The following WRNIP1 variants were observed in gnomAD, a reference collection of about 807,000 sequenced individuals.
The protein encoded by WRNIP1 is WRN helicase interacting protein 1.
WRNIP1 carries 41 observed loss-of-function variants against 56.1 expected under a neutral mutation model. The observed-to-expected ratio is 0.73, with a 90% confidence interval of 0.57 to 0.95. The LOEUF (loss-of-function observed/expected upper bound fraction) is 0.95, where lower values mean the gene tolerates loss of function less well. Ranked by LOEUF, WRNIP1 falls within the 40% of genes least tolerant of loss-of-function variation. WRNIP1 has a pLI of 0.00. For missense variants in WRNIP1, 1,170 were observed against 939.4 expected, an observed-to-expected ratio of 1.25 and a Z score of -3.21; for synonymous variants, 547 against 398.1, an observed-to-expected ratio of 1.37 and a Z score of -4.45.
chr6:2,765,914 GA>G lies in WRNIP1; in HGVS notation c.293del (p.Glu98GlyfsTer184). The G allele has an allele frequency of 6.9e-7, 1 of 1,455,738 alleles. No individual in the cohort carries two copies. The highest frequency in any genetic ancestry group is 1.5e-5 in the African/African-American group (1 of 68,206). The allele number at this position is 1,455,738 out of a possible 1,614,324, so 90.2% of individuals were successfully genotyped here. On this transcript the variant is annotated frameshift_variant, in exon 1 of 7. Transcript: ENST00000380773. LOFTEE classifies it high-confidence loss of function. ...AAESSEGEGE[E>X]GDDGGETESR... Reference sequence around the variant, plus strand: ...CGAGAGCAGCGAGGGCGAGGGTGAGGAGGGCGACGACGGCGGCGAGACCGAG... The same window carrying G: ...CGAGAGCAGCGAGGGCGAGGGTGAGGGGGCGACGACGGCGGCGAGACCGAG...
At position 2,779,489 on chromosome 6, in the gene WRNIP1, G is replaced by T. The variant is rs114897024; in HGVS notation, c.1483G>T (p.Ala495Ser). Residue 495 changes from alanine to serine, a missense_variant, in exon 4 of 7, where the codon GCA (alanine) becomes TCA (serine). Ala to Ser is a moderately conservative substitution (Grantham distance 99, BLOSUM62 1). Transcript: ENST00000380773. ...LQRSHILYDR[A>S]GEEHYNCISA... is the part of the protein sequence containing the mutation. ...GCGATCCCACATTTTATATGACCGG[G>T]CAGGTAAGTAATTCACCTGTGGAAA... 1 of 1,612,750 alleles carries T rather than the reference G, an allele frequency of 6.2e-7. No individual in the cohort carries two copies. The highest frequency in any genetic ancestry group is 1.1e-5 in the South Asian group (1 of 90,916).
At chr6:2,772,963 C>A (rs189359034) in intron 3 of WRNIP1, 323 of 985,300 alleles carry the variant, frequency 3.3e-4, no homozygotes, top group Non-Finnish European at 2.7e-4. Flanking sequence ...CATTTGTATT[C>A]TTGTGTCATG....
rs750797144 is a variant in WRNIP1, at chr6:2,766,462, C to T, written c.822+18C>T. 6.7e-7 allele frequency: 1 copy of T among 1,496,334 alleles called. No individual in the cohort carries two copies. The highest frequency in any genetic ancestry group is 1.8e-4 in the Middle Eastern group (1 of 5,682). The allele number at this position is 1,496,334 out of a possible 1,614,324, so 92.7% of individuals were successfully genotyped here. ...GCGGCAAGGTGAGTGCGGCCTTGGC[C>T]GTTGGGCTTCCGTAGTTATCTCGGC... On this transcript the variant is annotated intron_variant, in intron 1 of 6. Transcript: ENST00000380773.
intron 2 of WRNIP1, among the ~76,000 whole-genome samples, chr6:2,769,908 C>A (rs769144867): frequency 6.6e-6 from 1 of 152,148 alleles, no homozygotes; most frequent in Non-Finnish European, 1.5e-5. Context: ...CAGGCTTGGA[C>A]GGGCATTCCA....
At chr6:2,780,487 A>G (rs1374093234) in intron 4 of WRNIP1, among the ~76,000 whole-genome samples, 1 of 152,188 alleles carries the variant, frequency 6.6e-6, no homozygotes, top group South Asian at 2.1e-4. Context: ...AGGGGTGTTC[A>G]TTAGTGCTAA....
Position 2,766,256 on chromosome 6 carries a change from G to T in WRNIP1, c.634G>T (p.Ala212Ser). The T allele has an allele frequency of 6.5e-7, 1 of 1,527,122 alleles. No homozygotes were observed. The highest frequency in any genetic ancestry group is 8.8e-7 in the Non-Finnish European group (1 of 1,137,970). 94.6% of individuals were successfully genotyped at this position (1,527,122 alleles called of 1,614,324 possible). Residue 212 changes from alanine (A) to serine (S), a missense_variant, in exon 1 of 7, where the codon GCG becomes TCG. Ala to Ser is a moderately conservative substitution (Grantham distance 99). Coordinates refer to ENST00000380773, the MANE Select transcript of WRNIP1 (RefSeq NM_020135.3). ...ASGGGRPHPR[A>S]LAAEEIRQML... Reference sequence around the variant, plus strand: ...TGGCGGGGGCCGCCCGCACCCCCGGGCGCTGGCTGCCGAGGAGATCCGACA... The same window carrying T: ...TGGCGGGGGCCGCCCGCACCCCCGGTCGCTGGCTGCCGAGGAGATCCGACA...
In WRNIP1 at chr6:2,765,548, G is replaced by A. The variant is rs1180983815; in HGVS notation, c.-75G>A. On this transcript the variant is annotated 5_prime_UTR_variant, in exon 1 of 7. Coordinates refer to ENST00000380773, the MANE Select transcript of WRNIP1 (RefSeq NM_020135.3). ...AGGGTCTCGCGGCGCGGGGCCTAGC[G>A]GAGGGCATCGAAGGCCTCCGCGTGC... The A allele has an allele frequency of 2.9e-6, 4 of 1,359,704 alleles. No individual in the cohort carries two copies. The highest frequency in any genetic ancestry group is 3.4e-5 in the South Asian group (2 of 59,656). The allele number at this position is 1,359,704 out of a possible 1,614,324, so 84.2% of individuals were successfully genotyped here.
intron 3 of WRNIP1, chr6:2,773,423 A>G (rs1389506440): frequency 1.7e-5 from 17 of 985,290 alleles, no homozygotes; most frequent in Non-Finnish European, 1.9e-5. Flanking sequence ...AGATGAGGGG[A>G]TGCGGAGTTG....
At chr6:2,781,250 T>C (rs993924963) in intron 4 of WRNIP1, among the ~76,000 whole-genome samples, 4 of 152,212 alleles carry the variant, frequency 2.6e-5, no homozygotes, top group African/African-American at 9.7e-5. Context: ...ACCTTGTCTA[T>C]AGCTTGGAGC....
In WRNIP1 at chr6:2,770,435, CCGGG is replaced by C. The variant is rs1049452366; in HGVS notation, c.1256+77_1256+80del. On this transcript the variant is annotated intron_variant, in intron 3 of 6. Coordinates refer to ENST00000380773, the MANE Select transcript of WRNIP1 (RefSeq NM_020135.3). ...TCTCCTGGCAGGGGGCCAGAAAGGG[CCGGG>C]CGTCAGTGAGGAGAGGGTGGGGACA... 25 of 1,581,324 alleles carry C rather than the reference CCGGG, an allele frequency of 1.6e-5. No individual in the cohort carries two copies. The Admixed American group carries it at 4.2e-4, about 26-fold the overall frequency.
rs972984733 is a variant in WRNIP1, at chr6:2,765,992, C to G, written c.370C>G (p.Pro124Ala). 11 of 1,383,770 alleles carry G rather than the reference C, an allele frequency of 7.9e-6. No individual in the cohort carries two copies. The South Asian group carries it at 1.1e-4, about 14-fold the overall frequency. 85.7% of individuals were successfully genotyped at this position (1,383,770 alleles called of 1,614,324 possible). A position where few individuals can be genotyped will look rare whatever the true frequency, so the allele number is the denominator to read the frequency against. The change falls in exon 1 of 7, where the codon CCC becomes GCC. Residue 124 changes from proline to alanine, a missense_variant. By Grantham distance (27) the Pro-to-Ala change is conservative. Coordinates refer to ENST00000380773, the MANE Select transcript of WRNIP1 (RefSeq NM_020135.3). ...CACACCCAGCGGCGCCCGCCTTATCCCCGACTTCCCGGTGGCCCGCTCCAG... is the reference window on the plus strand; with the variant it reads ...CACACCCAGCGGCGCCCGCCTTATCGCCGACTTCCCGGTGGCCCGCTCCAG... ...PPTPSGARLI[P>A]DFPVARSSSP... is the part of the protein sequence containing the mutation.
At chr6:2,768,383 G>A (rs1032097024) in intron 1 of WRNIP1, among the ~76,000 whole-genome samples, 3 of 152,172 alleles carry the variant, frequency 2.0e-5, no homozygotes, top group South Asian at 2.1e-4. Context: ...CAAGACAGCC[G>A]TTCTTTACTG....
At chr6:2,768,434 A>G (rs1355078630) in intron 1 of WRNIP1, among the ~76,000 whole-genome samples, 1 of 152,246 alleles carries the variant, frequency 6.6e-6, no homozygotes, top group Non-Finnish European at 1.5e-5. Flanking sequence ...AAAGGAATCA[A>G]AGGTGGTTAG....
At chr6:2,779,100 G>A (rs544966156) in intron 3 of WRNIP1, among the ~76,000 whole-genome samples, 163 bp from the exon 4 acceptor site, 4 of 152,336 alleles carry the variant, frequency 2.6e-5, no homozygotes, top group Admixed American at 2.0e-4. Context: ...CAGTCAGTTC[G>A]TAGTCTTGAT....
Position 2,783,524 on chromosome 6 carries a change from G to C in WRNIP1, c.1605G>C (p.Val535=). 1.2e-6 allele frequency: 2 copies of C among 1,613,416 alleles called. No individual in the cohort carries two copies. Among genetic ancestry groups the C allele is most frequent in the Non-Finnish European group, 1.7e-6 (2 of 1,179,728 alleles). ...AGGGAGGAGAGGACCCACTCTACGTGGCACGGAGGCTTGTCAGGTTTGCCA... is the reference window on the plus strand; with the variant it reads ...AGGGAGGAGAGGACCCACTCTACGTCGCACGGAGGCTTGTCAGGTTTGCCA... The part of the protein sequence containing the change: ...MLEGGEDPLY[V]ARRLVRFASE... The change falls in exon 5 of 7, where the codon GTG becomes GTC. Residue 535 remains valine (V), a synonymous_variant. Transcript: ENST00000380773.
In WRNIP1 at chr6:2,779,486, C is replaced by T. The variant is rs568029586; in HGVS notation, c.1480C>T (p.Arg494Trp). 2.1e-5 allele frequency: 34 copies of T among 1,613,030 alleles called. No homozygotes were observed. Among genetic ancestry groups the T allele is most frequent in the Admixed American group, 1.7e-4 (10 of 59,844 alleles). ...ACAGCGATCCCACATTTTATATGAC[C>T]GGGCAGGTAAGTAATTCACCTGTGG... ...GLQRSHILYD[R>W]AGEEHYNCIS... The change falls in exon 4 of 7, where the codon CGG becomes TGG. Residue 494 changes from arginine (R) to tryptophan (W), a missense_variant. Arg to Trp is a moderately radical substitution (Grantham distance 101). Coordinates refer to ENST00000380773, the MANE Select transcript of WRNIP1 (RefSeq NM_020135.3).
intron 3 of WRNIP1, among the ~76,000 whole-genome samples, chr6:2,778,995 T>C (rs1297198565): frequency 6.6e-6 from 1 of 152,194 alleles, no homozygotes; most frequent in Non-Finnish European, 1.5e-5. Flanking sequence ...CCAGTCAGTG[T>C]CTGTTTCACA....
In WRNIP1 at chr6:2,765,874, C is replaced by T; in HGVS notation, c.252C>T (p.Ala84=). 1 of 1,446,122 alleles carries T rather than the reference C, an allele frequency of 6.9e-7. No individual in the cohort carries two copies. The highest frequency in any genetic ancestry group is 1.5e-5 in the African/African-American group (1 of 67,978). 89.6% of individuals were successfully genotyped at this position (1,446,122 alleles called of 1,614,324 possible). The change falls in exon 1 of 7, where the codon GCC becomes GCT. Residue 84 remains alanine, a synonymous_variant. Transcript: ENST00000380773. ...LSESSALKQP[A]TPTAAESSEG... ...AGAGCTCGGCGCTGAAGCAGCCAGC[C>T]ACCCCGACGGCAGCCGAGAGCAGCG...
rs759976892 is a variant in WRNIP1, at chr6:2,784,981, A to G, written c.1723-26A>G. 4.3e-6 allele frequency: 7 copies of G among 1,610,216 alleles called. No homozygotes were observed. In the South Asian group the frequency reaches 7.7e-5, roughly 18 times the overall value. On this transcript the variant is annotated intron_variant, in intron 6 of 6. Transcript: ENST00000380773. The stretch of plus-strand genomic sequence containing the variant: ...ACAGAAGCTTGGCATCTTGCTAGTA[A>G]AATGTGTCCTCTGTGTCATTGGTAG...
Sources: allele counts gnomAD v4.1 joint callset (sites outside exome capture counted in the v4.1 genomes callset), GRCh38; gene constraint gnomAD v4.1.1; transcripts MANE v1.5; gene names NCBI Gene and HGNC (gene_info 2026-07-23, HGNC 2026-07-21).